The following NRXN1 variants were observed in gnomAD, a reference collection of about 807,000 sequenced individuals.
NRXN1 encodes the protein neurexin-1.
In NRXN1, 39 loss-of-function variants were observed where a neutral mutation model predicts 150.9. The observed-to-expected ratio is 0.26, with a 90% CI of 0.20 to 0.34. The LOEUF (loss-of-function observed/expected upper bound fraction) is 0.34, where lower values mean the gene tolerates loss of function less well. Ranked by LOEUF, NRXN1 falls within the 10% of genes least tolerant of loss-of-function variation. NRXN1 has a pLI of 1.00. For missense variants in NRXN1, 1,815 were observed against 1,949.9 expected (o/e 0.93, Z 1.30); for synonymous variants, 924 against 757.0 (o/e 1.22, Z -3.62).
At chr2:49,973,765 C>T in intron 21 of NRXN1, 1 of 551,982 alleles carries the variant, frequency 1.8e-6, no homozygotes. Flanking sequence ...TTAAAACAAC[C>T]TTTCCACATT....
chr2:50,023,330 A>C (rs1325944812), intron 21 of NRXN1: 1 of 152,164 alleles, frequency 6.6e-6, no homozygotes, highest in Non-Finnish European at 1.5e-5. Flanking sequence ...GCCATTTGCA[A>C]ATATGTGCTG....
rs549756373 is a variant in NRXN1 at position 50,884,174 on chromosome 2, T to A, written c.832+37695A>T. ...GAAATTAGAAGTCAAAAAGATTTTTTAAAAATTTACAGGAAAAACACTAAG... is the reference window on the plus strand; with the variant it reads ...GAAATTAGAAGTCAAAAAGATTTTTAAAAAATTTACAGGAAAAACACTAAG... On this transcript the variant is annotated intron_variant, in intron 5 of 22. Transcript: ENST00000401669. Among the ~76,000 whole-genome samples, 10 of 151,894 alleles carry A rather than the reference T, an allele frequency of 6.6e-5. 1 individual carries two copies. In the South Asian group the frequency reaches 1.4e-3, roughly 22 times the overall value.
At chr2:51,010,324 A>G (rs1202925318) in intron 2 of NRXN1, among the ~76,000 whole-genome samples, 3 of 152,040 alleles carry the variant, frequency 2.0e-5, no homozygotes, top group Admixed American at 6.6e-5. Context: ...CTTTTTATAC[A>G]TAAATAAGTA....
chr2:50,051,592 G>A (rs1288470902), intron 21 of NRXN1, among the ~76,000 whole-genome samples: 1 of 151,984 alleles, frequency 6.6e-6, no homozygotes, highest in Admixed American at 6.6e-5. Context: ...CATTAGCAAA[G>A]AATGTTAAAT....
At chr2:50,457,671 A>G (rs1021413088) in intron 17 of NRXN1, among the ~76,000 whole-genome samples, 4 of 152,162 alleles carry the variant, frequency 2.6e-5, no homozygotes, top group Non-Finnish European at 4.4e-5. Context: ...ACATTCCTCA[A>G]AAGAAGACAT....
At chr2:50,924,911 G>A (rs1686632016) in intron 3 of NRXN1, among the ~76,000 whole-genome samples, 2 of 151,644 alleles carry the variant, frequency 1.3e-5, no homozygotes, top group Non-Finnish European at 3.0e-5. Flanking sequence ...CTATTTATCT[G>A]TAACCTGGGA....
chr2:50,538,245 A>G lies in NRXN1; in HGVS notation c.2143+8T>C. 6.2e-7 allele frequency: 1 copy of G among 1,603,494 alleles called. No individual in the cohort carries two copies. The highest frequency in any genetic ancestry group is 8.5e-7 in the Non-Finnish European group (1 of 1,172,764). The stretch of plus-strand genomic sequence containing the variant: ...AGGGAGTTGGCTGCTGGGGTTTTAG[A>G]ATCCTACCTCTCTCACAGGACCTGC... On this transcript the variant is annotated splice_region_variant and intron_variant, in intron 10 of 22. Transcript: ENST00000401669.
At chr2:50,478,588 C>G (rs1002315205) in intron 15 of NRXN1, among the ~76,000 whole-genome samples, 2 of 152,172 alleles carry the variant, frequency 1.3e-5, no homozygotes, top group Non-Finnish European at 2.9e-5. Flanking sequence ...ACATCTTAGT[C>G]TCCCTTGGTA....
chr2:50,594,531 T>C (rs1220642992), intron 8 of NRXN1, among the ~76,000 whole-genome samples: 2 of 152,008 alleles, frequency 1.3e-5, no homozygotes, highest in African/African-American at 2.4e-5. Flanking sequence ...TTATTACACA[T>C]GATAACGTGT....
At chr2:50,103,001 A>T (rs1483375659) in intron 18 of NRXN1, among the ~76,000 whole-genome samples, 2 of 152,100 alleles carry the variant, frequency 1.3e-5, no homozygotes, top group East Asian at 1.9e-4. Flanking sequence ...AAGCACATTT[A>T]AAAAATTTTC....
At chr2:50,965,647 T>C (rs1219445689) in intron 2 of NRXN1, among the ~76,000 whole-genome samples, 1 of 151,530 alleles carries the variant, frequency 6.6e-6, no homozygotes, top group Non-Finnish European at 1.5e-5. Flanking sequence ...AAATATTTTA[T>C]GGATATTTTG....
At chr2:50,665,434 C>A (rs1687889223) in intron 5 of NRXN1, among the ~76,000 whole-genome samples, 1 of 151,714 alleles carries the variant, frequency 6.6e-6, no homozygotes, top group Non-Finnish European at 1.5e-5. Flanking sequence ...TTTGAAAGAG[C>A]CATTTTTCTG....
intron 5 of NRXN1, among the ~76,000 whole-genome samples, chr2:50,795,259 G>C (rs1406626435): frequency 6.6e-6 from 1 of 152,084 alleles, no homozygotes; most frequent in Non-Finnish European, 1.5e-5. Context: ...ATTTTAACAA[G>C]GTCTCATGTG....
intron 5 of NRXN1, among the ~76,000 whole-genome samples, chr2:50,756,914 G>T (rs538006926): frequency 6.6e-6 from 1 of 151,744 alleles, no homozygotes; most frequent in South Asian, 2.1e-4. Flanking sequence ...GGGTATTTAC[G>T]TGTTAAAACT....
intron 18 of NRXN1, among the ~76,000 whole-genome samples, chr2:50,106,201 C>T (rs1701620838): frequency 1.3e-5 from 2 of 151,816 alleles, no homozygotes; most frequent in African/African-American, 4.8e-5. Flanking sequence ...TCAACCTCTA[C>T]ATTATTACCA....
At chr2:50,299,847 T>C (rs2073992149) in intron 17 of NRXN1, among the ~76,000 whole-genome samples, 1 of 152,152 alleles carries the variant, frequency 6.6e-6, no homozygotes, top group Non-Finnish European at 1.5e-5. Flanking sequence ...ATTAAGTCTT[T>C]ATGAACAAAT....
At chr2:50,850,949 T>TAAGAA (rs1674430126) in intron 5 of NRXN1, among the ~76,000 whole-genome samples, 1 of 152,196 alleles carries the variant, frequency 6.6e-6, no homozygotes, top group Admixed American at 6.5e-5. Flanking sequence ...TGTTCATTGT[T>TAAGAA]ATTTTTGAAG....
chr2:50,656,748 GA>G (rs879603025), intron 5 of NRXN1, among the ~76,000 whole-genome samples: 2,783 of 132,582 alleles, frequency 0.021, 93 homozygotes, highest in African/African-American at 0.07. Flanking sequence ...AGCTTACAAA[GA>G]AAAAAAAAAA....
At chr2:50,083,567 A>C (rs1698293997) in intron 19 of NRXN1, among the ~76,000 whole-genome samples, 1 of 152,196 alleles carries the variant, frequency 6.6e-6, no homozygotes, top group East Asian at 1.9e-4. Flanking sequence ...ACAGCAAAAG[A>C]ACAAGGCTTC....
Sources: allele counts gnomAD v4.1 joint callset (sites outside exome capture counted in the v4.1 genomes callset), GRCh38; gene constraint gnomAD v4.1.1; transcripts MANE v1.5; gene names NCBI Gene and HGNC (gene_info 2026-07-23, HGNC 2026-07-21).